The following ARHGEF17 variants were observed in gnomAD, a reference collection of about 807,000 sequenced individuals.
ARHGEF17 encodes the protein 164 kDa Rho-specific guanine-nucleotide exchange factor.
Under a neutral mutation model 174.0 loss-of-function variants are expected in ARHGEF17, and 80 were observed. The ratio of observed to expected loss-of-function variants is 0.46; its 90% CI spans 0.38 to 0.55. The LOEUF (loss-of-function observed/expected upper bound fraction) is 0.55, where lower values mean the gene tolerates loss of function less well. Among genes scored for constraint, ARHGEF17 ranks in the 20% least tolerant of loss-of-function variants. ARHGEF17 has a pLI of 0.00. For missense variants in ARHGEF17, 2,886 were observed against 2,839.7 expected (o/e 1.02, Z -0.37); for synonymous variants, 1,311 against 1,189.1 (o/e 1.10, Z -2.11).
intron 1 of ARHGEF17, among the ~76,000 whole-genome samples, chr11:73,316,436 TC>T (rs775950799): frequency 1.8e-4 from 27 of 151,694 alleles, no homozygotes; most frequent in Non-Finnish European, 2.9e-4. Flanking sequence ...AGTGGTAGGG[TC>T]CGAGAAAAAA....
chr11:73,349,080 G>T (rs758789728), intron 2 of ARHGEF17, among the ~76,000 whole-genome samples: 8 of 152,202 alleles, frequency 5.3e-5, no homozygotes, highest in Non-Finnish European at 1.0e-4. Context: ...GCTTTCCTGT[G>T]CACGCAAGGA....
At chr11:73,360,590 AGGC>A in intron 11 of ARHGEF17, 57 bp downstream of exon 11, 1 of 1,586,124 alleles carries the variant, frequency 6.3e-7, no homozygotes, top group Non-Finnish European at 8.6e-7. Flanking sequence ...AGGAGGCCAG[AGGC>A]ATCTCACAGC....
chr11:73,337,529 C>T (rs77391670), intron 1 of ARHGEF17, among the ~76,000 whole-genome samples: 2 of 152,254 alleles, frequency 1.3e-5, no homozygotes, highest in East Asian at 3.9e-4. Flanking sequence ...AAGTGATCCT[C>T]CTACTTCAGC....
intron 1 of ARHGEF17, among the ~76,000 whole-genome samples, chr11:73,323,183 AGTCTGGCCCTCCTG>A (rs764257613): frequency 1.3e-5 from 2 of 152,168 alleles, no homozygotes; most frequent in Non-Finnish European, 2.9e-5. Context: ...CCACACCTGC[AGTCTGGCCCTCCTG>A]GGAGAGGCCT....
chr11:73,352,059 A>G (rs1363804398), intron 2 of ARHGEF17, among the ~76,000 whole-genome samples: 1 of 152,200 alleles, frequency 6.6e-6, no homozygotes, highest in Non-Finnish European at 1.5e-5. Flanking sequence ...GCAGTGGCTC[A>G]TGCCTATAAT....
At chr11:73,364,380 C>A in intron 17 of ARHGEF17, 72 bp from the exon 18 acceptor site, 1 of 1,608,674 alleles carries the variant, frequency 6.2e-7, no homozygotes, top group Non-Finnish European at 8.5e-7. Flanking sequence ...ATGTTAACAT[C>A]TCATTTCAGG....
intron 1 of ARHGEF17, among the ~76,000 whole-genome samples, chr11:73,327,431 T>C (rs1865119971): frequency 1.3e-5 from 2 of 151,696 alleles, no homozygotes; most frequent in Non-Finnish European, 2.9e-5. Flanking sequence ...AAAGGAAGAG[T>C]ATGAACAAGT....
chr11:73,359,952 G>A lies in ARHGEF17; in HGVS notation c.4206G>A (p.Gln1402=). ...KLSESLGFPH[Q]SLDDALRDLS... is the part of the protein sequence containing the mutation. ...CTGAGAGCCTTGGTTTCCCCCACCA[G>A]GTCTGTGCCCTCTGCCTGACACTGG... is the stretch of plus-strand genomic sequence containing the variant. The change falls in exon 10 of 21, where the codon CAG becomes CAA. Residue 1402 remains glutamine (Q), a splice_region_variant and synonymous_variant. Coordinates refer to ENST00000263674, the MANE Select transcript of ARHGEF17 (RefSeq NM_014786.4). The A allele has an allele frequency of 6.2e-7, 1 of 1,604,728 alleles. No homozygotes were observed. The highest frequency in any genetic ancestry group is 8.5e-7 in the Non-Finnish European group (1 of 1,175,836).
In ARHGEF17 at chr11:73,365,182, C is replaced by G; in HGVS notation, c.5551-208C>G. ...GAAGTTCTCTGATCCTTAAATCACT[C>G]AAGTTTAATGGGGAAAAAGCACCTC... On this transcript the variant is annotated intron_variant, in intron 18 of 20. Transcript: ENST00000263674. This position sits in a 1 kb window ranked among gnomAD's most constrained non-coding sequence, Gnocchi z 4.9. 1.7e-6 allele frequency: 1 copy of G among 600,794 alleles called. No homozygotes were observed. The highest frequency in any genetic ancestry group is 2.8e-5 in the East Asian group (1 of 35,308). The allele number at this position is 600,794 out of a possible 1,614,324, so 37.2% of individuals were successfully genotyped here. A position where few individuals can be genotyped will look rare whatever the true frequency, so the allele number is the denominator to read the frequency against.
intron 10 of ARHGEF17, 96 bp from the exon 11 acceptor site, chr11:73,360,224 G>A: frequency 7.4e-7 from 1 of 1,349,950 alleles, no homozygotes. Context: ...AGTCTCACTT[G>A]CTGTCTAAGG....
rs753624915 is a variant in ARHGEF17 at position 73,362,603 on chromosome 11, G to T, written c.4865G>T (p.Gly1622Val). 3.3e-5 allele frequency: 53 copies of T among 1,610,742 alleles called. No homozygotes were observed. Among genetic ancestry groups the T allele is most frequent in the Middle Eastern group, 1.6e-4 (1 of 6,082 alleles). The stretch of plus-strand genomic sequence containing the variant: ...GGCTCGGGCTTGGAGATGACGCCGG[G>T]CCTCGGCGAGGGTGACCCCCGCCCA... The part of the protein sequence containing the change: ...IAGSGLEMTP[G>V]LGEGDPRPEL... Residue 1622 changes from glycine (G) to valine (V), a missense_variant, in exon 14 of 21, where the codon GGC becomes GTC. By Grantham distance (109) the Gly-to-Val change is moderately radical. This residue lies in a region of ARHGEF17 where 476 missense variants were observed against 473.1 expected (regional missense o/e 1.01). Transcript: ENST00000263674.
intron 20 of ARHGEF17, among the ~76,000 whole-genome samples, chr11:73,366,456 C>T (rs1219232156): frequency 1.3e-5 from 2 of 152,114 alleles, no homozygotes; most frequent in East Asian, 1.9e-4. Flanking sequence ...GTGCCAGGCG[C>T]GGTGGCTCAC....
chr11:73,350,199 G>A (rs990058704), intron 2 of ARHGEF17, among the ~76,000 whole-genome samples: 78 of 152,178 alleles, frequency 5.1e-4, no homozygotes, highest in East Asian at 3.9e-4. Context: ...ACAAAGAAAC[G>A]AAGACTCACA....
intron 1 of ARHGEF17, among the ~76,000 whole-genome samples, chr11:73,339,314 C>T (rs1237343641): frequency 6.6e-6 from 1 of 152,168 alleles, no homozygotes; most frequent in Non-Finnish European, 1.5e-5. Context: ...AATAAAAATG[C>T]AATTGATTAC....
intron 9 of ARHGEF17, among the ~76,000 whole-genome samples, chr11:73,358,900 C>T (rs1865691118): frequency 6.6e-6 from 1 of 152,172 alleles, no homozygotes; most frequent in Admixed American, 6.5e-5. Context: ...CCACCGGGCA[C>T]ACACTCTTCT....
At chr11:73,355,494 G>T in intron 3 of ARHGEF17, 39 bp from the exon 4 acceptor site, 1 of 1,434,504 alleles carries the variant, frequency 7.0e-7, no homozygotes, top group South Asian at 1.2e-5. Context: ...TGGGGTGAGG[G>T]ACACCTTGAG....
rs767016788 is a variant in ARHGEF17, at chr11:73,355,952, A to C, written c.3662A>C (p.Lys1221Thr). The C allele has an allele frequency of 6.2e-7, 1 of 1,614,154 alleles. No individual in the cohort carries two copies. Among genetic ancestry groups the C allele is most frequent in the South Asian group, 1.1e-5 (1 of 91,078 alleles). Residue 1221 changes from lysine (K) to threonine (T), a missense_variant and splice_region_variant, in exon 5 of 21, where the codon AAG becomes ACG. By Grantham distance (78) the Lys-to-Thr change is moderately conservative. Coordinates refer to ENST00000263674, the MANE Select transcript of ARHGEF17 (RefSeq NM_014786.4). ...QRIPRYELLV[K>T]DLLKHTPEDH... is the part of the protein sequence containing the mutation. Reference sequence around the variant, plus strand: ...ATCCCACGCTACGAGCTTCTGGTGAAGGTGGGCATGGACCTGGGTGGGCAA... The same window carrying C: ...ATCCCACGCTACGAGCTTCTGGTGACGGTGGGCATGGACCTGGGTGGGCAA...
chr11:73,321,500 T>C (rs1042491562), intron 1 of ARHGEF17, among the ~76,000 whole-genome samples: 15 of 152,214 alleles, frequency 9.9e-5, no homozygotes, highest in East Asian at 3.8e-4. Flanking sequence ...CCGGGTGATA[T>C]TAACAAGTCA....
chr11:73,314,527 G>A (rs1469502553), intron 1 of ARHGEF17, among the ~76,000 whole-genome samples: 1 of 152,228 alleles, frequency 6.6e-6, no homozygotes, highest in Non-Finnish European at 1.5e-5. Context: ...CCTGGTCTGT[G>A]AGGCTCAGAA....
Sources: allele counts gnomAD v4.1 joint callset (sites outside exome capture counted in the v4.1 genomes callset), GRCh38; gene constraint gnomAD v4.1.1; regional missense constraint gnomAD v4.1.1; non-coding constraint Gnocchi (gnomAD v3.1); transcripts MANE v1.5; gene names NCBI Gene and HGNC (gene_info 2026-07-23, HGNC 2026-07-21).